Variants in SYNE2 observed in about 807,000 individuals in gnomAD.
SYNE2 encodes nesprin-2.
Under a neutral mutation model 856.3 loss-of-function variants are expected in SYNE2, and 431 were observed. That is an observed-to-expected ratio of 0.50 (90% CI 0.47 to 0.55). The LOEUF is 0.55. SYNE2 is among the 20% of genes least tolerant of loss of function. The pLI is 0.00. For synonymous variants in SYNE2, 2,923 were observed against 2,872.3 expected (o/e 1.02, Z -0.56); for missense variants, 8,129 against 8,023.2 (o/e 1.01, Z -0.50).
chr14:64,215,832 C>T (rs2098663898), intron 107 of SYNE2: 1 of 697,604 alleles, frequency 1.4e-6, no homozygotes, highest in South Asian at 2.0e-5. Flanking sequence ...TCCTTAGCCC[C>T]ATCCCTATCT....
rs753694030 is a variant in SYNE2, at chr14:64,167,258, A to G, written c.16631A>G (p.Gln5544Arg). The G allele has an allele frequency of 6.2e-7, 1 of 1,614,238 alleles. No individual in the cohort carries two copies. ...AATCATGTGCTGGCACTGACAGCCCAATCACCTGATATTGAACATTTGAAT... is the reference window on the plus strand; with the variant it reads ...AATCATGTGCTGGCACTGACAGCCCGATCACCTGATATTGAACATTTGAAT... ...FLNHVLALTA[Q>R]SPDIEHLNEV... The change falls in exon 91 of 116, where the codon CAA (glutamine) becomes CGA (arginine). Residue 5544 changes from glutamine (Q) to arginine (R), a missense_variant. Gln to Arg is a conservative substitution (Grantham distance 43). This residue lies in a region of SYNE2 where 5,410 missense variants were observed against 5,284.8 expected (regional missense o/e 1.02). Coordinates refer to ENST00000555002, the MANE Select transcript of SYNE2 (RefSeq NM_182914.3).
chr14:63,798,211 T>C (rs1887995185), intron 1 of SYNE2, among the ~76,000 whole-genome samples: 1 of 151,906 alleles, frequency 6.6e-6, no homozygotes, highest in African/African-American at 2.4e-5. Context: ...AGCTGTTTTT[T>C]TGGTTGTTTG....
chr14:63,983,905 G>T lies in SYNE2; in HGVS notation c.2151+19G>T, dbSNP rs778132139. The T allele has an allele frequency of 1.4e-6, 2 of 1,445,712 alleles. No individual in the cohort carries two copies. Among genetic ancestry groups the T allele is most frequent in the Non-Finnish European group, 1.9e-6 (2 of 1,044,102 alleles). The allele number at this position is 1,445,712 out of a possible 1,614,324, so 89.6% of individuals were successfully genotyped here. ...TATAAAGGTAAAATAATCATACTTT[G>T]TATATTTCACTTGCAAATAGAAATA... On this transcript the variant is annotated intron_variant, in intron 18 of 115. Coordinates refer to ENST00000555002, the MANE Select transcript of SYNE2 (RefSeq NM_182914.3).
intron 96 of SYNE2, among the ~76,000 whole-genome samples, chr14:64,184,873 A>G (rs1408371275): frequency 6.6e-6 from 1 of 152,264 alleles, no homozygotes; most frequent in Non-Finnish European, 1.5e-5. Flanking sequence ...TTGGTAAGTT[A>G]TGAAATCATG....
intron 65 of SYNE2, among the ~76,000 whole-genome samples, chr14:64,109,916 T>G (rs1174439249): frequency 6.6e-6 from 1 of 152,226 alleles, no homozygotes; most frequent in African/African-American, 2.4e-5. Flanking sequence ...TTGCATAATT[T>G]TTAGTAAAAT....
rs199952217 is a variant in SYNE2 at position 64,130,021 on chromosome 14, T to C, written c.14140-27T>C. On this transcript the variant is annotated intron_variant, in intron 75 of 115. Transcript: ENST00000555002. Reference sequence around the variant, plus strand: ...ATTGCCCCGGTTGGATGAAAATGCATGTGTGCACCTGCTCTTCTCTTTTCA... The same window carrying C: ...ATTGCCCCGGTTGGATGAAAATGCACGTGTGCACCTGCTCTTCTCTTTTCA... The C allele has an allele frequency of 3.5e-5, 57 of 1,613,340 alleles. No individual in the cohort carries two copies. The African/African-American group carries it at 7.1e-4, about 20-fold the overall frequency.
intron 89 of SYNE2, among the ~76,000 whole-genome samples, chr14:64,164,647 A>G (rs2098360014): frequency 6.6e-6 from 1 of 151,712 alleles, no homozygotes; most frequent in Non-Finnish European, 1.5e-5. Context: ...CAGCAGGAAA[A>G]CAAACAAACA....
Position 64,190,148 on chromosome 14 carries a change from C to T in SYNE2, c.17949C>T (p.Ala5983=), listed in dbSNP as rs745811315. Residue 5983 remains alanine (A), a synonymous_variant, in exon 99 of 116, where the codon GCC becomes GCT. Transcript: ENST00000555002. ...LKQMGDQLIK[A]SNKSRAAEID... ...AGATGGGTGACCAGTTGATCAAGGC[C>T]AGCAACAAATCAAGAGCAGCTGAGA... The T allele has an allele frequency of 6.8e-6, 11 of 1,614,008 alleles. No homozygotes were observed. In the South Asian group the frequency reaches 1.1e-4, roughly 16 times the overall value.
intron 1 of SYNE2, among the ~76,000 whole-genome samples, chr14:63,768,141 G>A (rs1456773652): frequency 2.0e-5 from 3 of 151,752 alleles, no homozygotes; most frequent in African/African-American, 7.3e-5. Context: ...CAGTAGCCAT[G>A]ATCATGCCAC....
At chr14:64,197,753 A>T (rs1355920109) in intron 99 of SYNE2, among the ~76,000 whole-genome samples, 1 of 152,224 alleles carries the variant, frequency 6.6e-6, no homozygotes, top group Non-Finnish European at 1.5e-5. Flanking sequence ...CCTTCATCAT[A>T]CATTGTTAAG....
rs777023743 is a variant in SYNE2, at chr14:64,210,014, C to T, written c.18613C>T (p.Arg6205Trp). The stretch of plus-strand genomic sequence containing the variant: ...CAACAAGCAGTACCGGCGGCTGGCC[C>T]GGGAGAACCGCACAGACACGGCCAG... ...LINKQYRRLA[R>W]ENRTDTASRL... The change falls in exon 103 of 116, where the codon CGG (arginine) becomes TGG (tryptophan). Residue 6205 changes from arginine to tryptophan, a missense_variant. This residue lies in a region of SYNE2 where 5,410 missense variants were observed against 5,284.8 expected (regional missense o/e 1.02). Transcript: ENST00000555002. 1.3e-5 allele frequency: 21 copies of T among 1,614,084 alleles called. No individual in the cohort carries two copies. Among genetic ancestry groups the T allele is most frequent in the Admixed American group, 1.7e-5 (1 of 60,020 alleles).
chr14:64,038,897 C>T (rs1000091917), intron 45 of SYNE2, among the ~76,000 whole-genome samples: 2 of 151,524 alleles, frequency 1.3e-5, no homozygotes, highest in Non-Finnish European at 1.5e-5. Context: ...AGCACTGTCT[C>T]CTCTTTTGAT....
upstream of SYNE2, among the ~76,000 whole-genome samples, chr14:63,852,426 T>C (rs1261359125): frequency 1.3e-5 from 2 of 152,056 alleles, no homozygotes; most frequent in African/African-American, 4.8e-5. Context: ...CTGAGACAGC[T>C]CTCCACTTCC....
intron 1 of SYNE2, among the ~76,000 whole-genome samples, chr14:63,789,469 T>A (rs1042411439): frequency 6.6e-6 from 1 of 152,174 alleles, no homozygotes; most frequent in Non-Finnish European, 1.5e-5. Context: ...CCATTTCCCA[T>A]CTTGTATTTG....
At chr14:64,152,784 T>C in intron 85 of SYNE2, 68 bp downstream of exon 85, 2 of 1,600,922 alleles carry the variant, frequency 1.2e-6, no homozygotes, top group South Asian at 1.1e-5. Context: ...GTCGTTGTAG[T>C]TGTTTTCGTC....
chr14:64,128,309 A>G (rs1299282648), intron 73 of SYNE2, 143 bp from the exon 74 acceptor site: 3 of 628,446 alleles, frequency 4.8e-6, no homozygotes, highest in Non-Finnish European at 8.6e-6. Flanking sequence ...GTTGAAGTTT[A>G]ATGATGATAA....
At chr14:64,145,754 A>G (rs1425501876) in intron 83 of SYNE2, among the ~76,000 whole-genome samples, 5 of 152,196 alleles carry the variant, frequency 3.3e-5, no homozygotes, top group Non-Finnish European at 7.3e-5. Flanking sequence ...TACTTTACAT[A>G]TATTAATAGA....
At chr14:63,815,376 A>G (rs979043985) in intron 1 of SYNE2, among the ~76,000 whole-genome samples, 2 of 151,646 alleles carry the variant, frequency 1.3e-5, no homozygotes, top group Admixed American at 6.6e-5. Context: ...TTGAAGTCCA[A>G]TGTTTGAGGG....
intron 65 of SYNE2, among the ~76,000 whole-genome samples, chr14:64,110,456 T>C (rs1316315641): frequency 6.6e-6 from 1 of 152,186 alleles, no homozygotes; most frequent in Non-Finnish European, 1.5e-5. Context: ...TGATTCTGTT[T>C]ACTAGTTGTG....
Sources: gnomAD v4.1 joint callset for allele counts (sites outside exome capture counted in the v4.1 genomes callset) on GRCh38, gnomAD v4.1.1 for gene constraint, gnomAD v4.1.1 regional missense constraint, MANE v1.5 for transcripts, NCBI Gene and HGNC (gene_info 2026-07-23, HGNC 2026-07-21) for gene names.